ABCA6: variants seen among roughly 807,000 people sequenced by gnomAD.
ABCA6 encodes the protein ATP-binding cassette sub-family A member 6.
In ABCA6, 164 loss-of-function variants were observed where a neutral mutation model predicts 191.2. The ratio of observed to expected loss-of-function variants is 0.86; its 90% CI spans 0.76 to 0.98. The LOEUF is 0.98. Among genes scored for constraint, ABCA6 ranks in the 50% least tolerant of loss-of-function variants. The probability of loss-of-function intolerance (pLI) is 0.00; values close to 1 mark genes in which losing one functional copy is unlikely to be tolerated. For synonymous variants in ABCA6, 636 were observed against 647.7 expected (o/e 0.98, Z 0.27); for missense variants, 1,958 against 1,894.1 (o/e 1.03, Z -0.63).
At chr17:69,139,097 A>G (rs9900211) in intron 2 of ABCA6, among the ~76,000 whole-genome samples, 15,430 of 152,068 alleles carry the variant, frequency 0.1, 2,640 homozygotes, top group African/African-American at 0.35. Context: ...TTGACAAATG[A>G]GATCTAATTA....
Position 69,085,105 on chromosome 17 carries a change from C to T in ABCA6, c.4107G>A (p.Leu1369=), listed in dbSNP as rs2072747103. 1 of 1,613,502 alleles carries T rather than the reference C, an allele frequency of 6.2e-7. No individual in the cohort carries two copies. The highest frequency in any genetic ancestry group is 1.3e-5 in the African/African-American group (1 of 74,894). Residue 1369 remains leucine, a synonymous_variant, in exon 32 of 39, where the codon CTG becomes CTA. Coordinates refer to ENST00000284425, the MANE Select transcript of ABCA6 (RefSeq NM_080284.3). ...CPQENVLWPM[L]TLREHLEVYA... The stretch of plus-strand genomic sequence containing the variant: ...ACACCTCCAGGTGTTCCCTCAACGT[C>T]AGCATGGGCCACAGCACGTTCTCTT...
chr17:69,139,544 C>T (rs2073997674), intron 2 of ABCA6, among the ~76,000 whole-genome samples: 1 of 152,050 alleles, frequency 6.6e-6, no homozygotes, highest in Non-Finnish European at 1.5e-5. Context: ...TGTGGTGATT[C>T]CTCAGGGATC....
intron 8 of ABCA6, among the ~76,000 whole-genome samples, chr17:69,127,850 G>T (rs1399116613): frequency 4.6e-5 from 7 of 152,014 alleles, no homozygotes; most frequent in Admixed American, 3.9e-4. Flanking sequence ...TATTAAAAAT[G>T]CTCAAAAACT....
At chr17:69,086,567 G>C (rs779589447) in intron 30 of ABCA6, 51 bp downstream of exon 30, 5 of 1,216,088 alleles carry the variant, frequency 4.1e-6, no homozygotes, top group Non-Finnish European at 5.9e-6. Flanking sequence ...ATAGATGTTC[G>C]GTAGGTAGTT....
chr17:69,125,477 A>G (rs924835266), intron 8 of ABCA6, among the ~76,000 whole-genome samples: 2 of 152,068 alleles, frequency 1.3e-5, no homozygotes, highest in Non-Finnish European at 2.9e-5. Context: ...AACAGCGACT[A>G]TGTTCTAGGC....
At chr17:69,087,767 A>G (rs1362840550) in intron 28 of ABCA6, 2 of 445,460 alleles carry the variant, frequency 4.5e-6, no homozygotes, top group East Asian at 8.5e-5. Flanking sequence ...TTCTCTACTC[A>G]GTCTGAGCTC....
intron 27 of ABCA6, 92 bp from the exon 28 acceptor site, chr17:69,088,350 T>C (rs2072852780): frequency 3.0e-6 from 3 of 985,446 alleles, no homozygotes; most frequent in South Asian, 3.7e-5. Flanking sequence ...TGTCTTTGGG[T>C]AAATAGTTGT....
chr17:69,134,066 G>A (rs900768316), intron 5 of ABCA6, among the ~76,000 whole-genome samples, 199 bp from the exon 6 acceptor site: 1 of 152,106 alleles, frequency 6.6e-6, no homozygotes, highest in Non-Finnish European at 1.5e-5. Context: ...AGCCTCCTGT[G>A]TCTTTACAAC....
At chr17:69,111,104 T>G in intron 16 of ABCA6, 164 bp from the exon 17 acceptor site, 1 of 573,914 alleles carries the variant, frequency 1.7e-6, no homozygotes, top group East Asian at 3.0e-5. Flanking sequence ...GTTTGAAAAT[T>G]TTATAATCTA....
intron 7 of ABCA6, 137 bp from the exon 8 acceptor site, chr17:69,128,941 T>A: frequency 1.6e-6 from 1 of 644,544 alleles, no homozygotes; most frequent in South Asian, 3.0e-5. Flanking sequence ...AATATTAAGG[T>A]ATAATGAGTC....
rs750478026 is a variant in ABCA6 at position 69,133,850 on chromosome 17, A to T, written c.582T>A (p.Pro194=). ...TAACTGACATCAACTCCTCCATCAC[A>T]GGGTGATTGGTTGTGATCTAAAGTA... The part of the protein sequence containing the change: ...TAIIEITTNH[P]VMEELMSVTA... The change falls in exon 6 of 39, where the codon CCT becomes CCA. Residue 194 remains proline (P), a synonymous_variant. Transcript: ENST00000284425. 6.3e-7 allele frequency: 1 copy of T among 1,599,896 alleles called. No individual in the cohort carries two copies. The highest frequency in any genetic ancestry group is 1.3e-5 in the African/African-American group (1 of 74,322).
Position 69,096,700 on chromosome 17 carries a change from A to T in ABCA6, c.3222T>A (p.Leu1074=). Residue 1074 remains leucine, a synonymous_variant, in exon 24 of 39, where the codon CTT becomes CTA. Transcript: ENST00000284425. ...VDVSFFILIL[L]LMYLIFYIEN... is the part of the protein sequence containing the mutation. The stretch of plus-strand genomic sequence containing the variant: ...CTATGTAGAAAATTAAATACATTAA[A>T]AGGAGAATTAAAATGAAGAAGCTGA... The T allele has an allele frequency of 6.3e-7, 1 of 1,588,734 alleles. No individual in the cohort carries two copies. Among genetic ancestry groups the T allele is most frequent in the South Asian group, 1.2e-5 (1 of 85,790 alleles).
Position 69,123,364 on chromosome 17 carries a change from T to G in ABCA6, c.1311A>C (p.Ser437=), listed in dbSNP as rs140920259. The change falls in exon 10 of 39, where the codon TCA becomes TCC. Residue 437 remains serine (S), a synonymous_variant. Coordinates refer to ENST00000284425, the MANE Select transcript of ABCA6 (RefSeq NM_080284.3). ...RHYSPLFFLN[S]SSCFQHQRTN... Reference sequence around the variant, plus strand: ...TCCTTTGGTGTTGGAAACAAGATGATGAATTCAAGAAAAATAAAGGAGAAT... The same window carrying G: ...TCCTTTGGTGTTGGAAACAAGATGAGGAATTCAAGAAAAATAAAGGAGAAT... 2,152 of 1,542,112 alleles carry G rather than the reference T, an allele frequency of 1.4e-3. 3 individuals carry two copies. Among genetic ancestry groups the G allele is most frequent in the Non-Finnish European group, 1.8e-3 (2,043 of 1,136,532 alleles).
chr17:69,120,801 T>C (rs747227232), intron 10 of ABCA6, among the ~76,000 whole-genome samples: 6 of 152,066 alleles, frequency 3.9e-5, no homozygotes, highest in Non-Finnish European at 7.4e-5. Flanking sequence ...GCCTGAATGG[T>C]CTATAGTTAC....
intron 36 of ABCA6, among the ~76,000 whole-genome samples, chr17:69,082,236 T>C (rs1040604987): frequency 6.6e-6 from 1 of 152,118 alleles, no homozygotes; most frequent in African/African-American, 2.4e-5. Context: ...TTATGTCCTA[T>C]TTTTTGATGT....
chr17:69,087,315 A>C (rs376485849), intron 29 of ABCA6, 38 bp downstream of exon 29: 2 of 1,601,578 alleles, frequency 1.2e-6, no homozygotes, highest in Admixed American at 1.7e-5. Flanking sequence ...GTTCTTGAAT[A>C]TCTCCATTAA....
At chr17:69,105,792 A>G in intron 19 of ABCA6, 164 bp from the exon 20 acceptor site, 2 of 713,280 alleles carry the variant, frequency 2.8e-6, no homozygotes, top group South Asian at 4.2e-5. Flanking sequence ...CAGTACCAGA[A>G]GGCATTACTA....
chr17:69,136,225 A>G lies in ABCA6; in HGVS notation c.327T>C (p.Asn109=), dbSNP rs369172869. 6.3e-7 allele frequency: 1 copy of G among 1,580,924 alleles called. No homozygotes were observed. Among genetic ancestry groups the G allele is most frequent in the African/African-American group, 1.4e-5 (1 of 73,782 alleles). ...LKGTSVIGAP[N]KTHMDEILLE... The stretch of plus-strand genomic sequence containing the variant: ...GAAGTATTTCGTCCATGTGTGTTTT[A>G]TTTGGTGCCCCAATGACACTTGTTC... Residue 109 remains asparagine, a synonymous_variant, in exon 4 of 39, where the codon AAT becomes AAC. Coordinates refer to ENST00000284425, the MANE Select transcript of ABCA6 (RefSeq NM_080284.3).
chr17:69,093,423 T>C (rs758131480), intron 25 of ABCA6, among the ~76,000 whole-genome samples: 5 of 152,224 alleles, frequency 3.3e-5, no homozygotes, highest in Non-Finnish European at 7.3e-5. Context: ...TCCCTGTTTT[T>C]CTTGCTGTGC....
Sources: allele counts gnomAD v4.1 joint callset (sites outside exome capture counted in the v4.1 genomes callset), GRCh38; gene constraint gnomAD v4.1.1; transcripts MANE v1.5; gene names NCBI Gene and HGNC (gene_info 2026-07-23, HGNC 2026-07-21).